TFPI: variants seen among roughly 807,000 people sequenced by gnomAD.
TFPI encodes the protein anti-convertin.
Under a neutral mutation model 34.6 loss-of-function variants are expected in TFPI, and 15 were observed. That is an observed-to-expected ratio of 0.43 (90% CI 0.29 to 0.67). The LOEUF (loss-of-function observed/expected upper bound fraction) is 0.67. Among genes scored for constraint, TFPI ranks in the 30% least tolerant of loss-of-function variants. TFPI has a pLI of 0.15. For missense variants in TFPI, 301 were observed against 364.0 expected (o/e 0.83, Z 1.41); for synonymous variants, 105 against 120.1 (o/e 0.87, Z 0.82).
intron 3 of TFPI, among the ~76,000 whole-genome samples, chr2:187,489,612 T>G (rs1652716076): frequency 6.6e-6 from 1 of 151,476 alleles, no homozygotes; most frequent in Admixed American, 6.6e-5. Context: ...ACTAAGCAAT[T>G]TTCATTCCTG....
At chr2:187,514,022 C>T (rs1411376526) in intron 1 of TFPI, 1 of 152,126 alleles carries the variant, frequency 6.6e-6, no homozygotes, top group Non-Finnish European at 1.5e-5. Context: ...ACCCCAGTGC[C>T]AACTAGGAGT....
At chr2:187,508,875 G>A (rs1438784817) in intron 1 of TFPI, among the ~76,000 whole-genome samples, 12 of 152,234 alleles carry the variant, frequency 7.9e-5, no homozygotes, top group Admixed American at 4.6e-4. Context: ...TCTTGTACTG[G>A]CTTTCAAAGG....
chr2:187,482,449 A>G (rs1296398730), intron 6 of TFPI, among the ~76,000 whole-genome samples: 2 of 152,102 alleles, frequency 1.3e-5, no homozygotes, highest in African/African-American at 4.8e-5. Context: ...TCAGAATCAC[A>G]AAAGTATTAA....
At chr2:187,499,181 T>C (rs1040430232) in intron 2 of TFPI, among the ~76,000 whole-genome samples, 4 of 151,856 alleles carry the variant, frequency 2.6e-5, no homozygotes, top group Non-Finnish European at 5.9e-5. Flanking sequence ...TAAAATACGA[T>C]AATTTGCTTT....
chr2:187,520,246 T>C (rs754890128), intron 1 of TFPI, among the ~76,000 whole-genome samples: 2 of 152,102 alleles, frequency 1.3e-5, no homozygotes, highest in Non-Finnish European at 2.9e-5. Context: ...GCTTCCTGTT[T>C]TGTGCTTGAA....
At chr2:187,482,413 C>T (rs922246272) in intron 6 of TFPI, among the ~76,000 whole-genome samples, 4 of 151,822 alleles carry the variant, frequency 2.6e-5, no homozygotes, top group African/African-American at 7.3e-5. Flanking sequence ...AATAATGCAA[C>T]GATAGTACTT....
chr2:187,531,445 TAC>T (rs1687950659), intron 1 of TFPI, among the ~76,000 whole-genome samples: 1 of 152,230 alleles, frequency 6.6e-6, no homozygotes, highest in African/African-American at 2.4e-5. Flanking sequence ...CGTTTCTTTT[TAC>T]AGTTATTACA....
At chr2:187,516,252 A>G (rs1686998095) in intron 1 of TFPI, 1 of 152,216 alleles carries the variant, frequency 6.6e-6, no homozygotes. Flanking sequence ...TTGCACATAA[A>G]TGATCAAGGG....
intron 6 of TFPI, among the ~76,000 whole-genome samples, chr2:187,475,006 C>T (rs1574371330): frequency 1.3e-5 from 2 of 152,268 alleles, no homozygotes; most frequent in South Asian, 4.1e-4. Flanking sequence ...TATTGTGACT[C>T]TGTTCTCCCG....
At chr2:187,529,850 C>T (rs966668454) in intron 1 of TFPI, among the ~76,000 whole-genome samples, 1 of 152,174 alleles carries the variant, frequency 6.6e-6, no homozygotes. Context: ...GACTTTGATT[C>T]TCTGTTTCTT....
chr2:187,529,278 T>C (rs1687837737), intron 1 of TFPI: 1 of 152,168 alleles, frequency 6.6e-6, no homozygotes, highest in East Asian at 1.9e-4. Context: ...TGAGTGAAGC[T>C]CTCAGGAGCT....
At chr2:187,484,295 TAAA>T in intron 5 of TFPI, 79 bp from the exon 6 acceptor site, 1 of 1,237,724 alleles carries the variant, frequency 8.1e-7, no homozygotes. Context: ...GTACAACAGT[TAAA>T]AAAGCAGACT....
intron 1 of TFPI, among the ~76,000 whole-genome samples, chr2:187,540,557 A>T (rs1346063139): frequency 6.6e-6 from 1 of 152,204 alleles, no homozygotes; most frequent in Non-Finnish European, 1.5e-5. Flanking sequence ...AGTCATATAA[A>T]GAGATGACTT....
At chr2:187,508,571 A>G (rs964087026) in intron 1 of TFPI, among the ~76,000 whole-genome samples, 3 of 152,126 alleles carry the variant, frequency 2.0e-5, no homozygotes, top group Non-Finnish European at 4.4e-5. Context: ...CTTTGTCGCA[A>G]TTGTGAATGG....
chr2:187,484,767 G>T (rs1203354337), intron 5 of TFPI, 44 bp downstream of exon 5: 1 of 1,526,798 alleles, frequency 6.5e-7, no homozygotes, highest in Non-Finnish European at 8.8e-7. Flanking sequence ...AGTTTTAAAA[G>T]GATGCCTATA....
chr2:187,481,041 C>A (rs975693288), intron 6 of TFPI, among the ~76,000 whole-genome samples: 8 of 151,666 alleles, frequency 5.3e-5, no homozygotes, highest in African/African-American at 1.9e-4. Context: ...TCCATAATAT[C>A]ATGAAGAAAA....
At chr2:187,535,320 T>C (rs1253152875) in intron 1 of TFPI, among the ~76,000 whole-genome samples, 1 of 152,172 alleles carries the variant, frequency 6.6e-6, no homozygotes, top group African/African-American at 2.4e-5. Context: ...TATTCTAAAA[T>C]TGACCGCATA....
intron 1 of TFPI, among the ~76,000 whole-genome samples, chr2:187,552,793 C>G (rs1689140084): frequency 6.6e-6 from 1 of 151,998 alleles, no homozygotes; most frequent in Non-Finnish European, 1.5e-5. Context: ...TTAAACTTTT[C>G]CAACAAGATT....
At chr2:187,545,807 A>C (rs1688828109) in intron 1 of TFPI, among the ~76,000 whole-genome samples, 1 of 152,148 alleles carries the variant, frequency 6.6e-6, no homozygotes, top group Admixed American at 6.5e-5. Flanking sequence ...TTTTGAGCCA[A>C]AGTTAAGAAA....
Sources: gnomAD v4.1 joint callset for allele counts (sites outside exome capture counted in the v4.1 genomes callset) on GRCh38, gnomAD v4.1.1 for gene constraint, MANE v1.5 for transcripts, NCBI Gene and HGNC (gene_info 2026-07-23, HGNC 2026-07-21) for gene names.